MCC: variants seen among roughly 807,000 people sequenced by gnomAD.
The protein encoded by MCC is colorectal mutant cancer protein.
Under a neutral mutation model 116.2 loss-of-function variants are expected in MCC, and 90 were observed. That is an observed-to-expected ratio of 0.77 (90% confidence interval 0.65 to 0.92). MCC has a LOEUF of 0.92. MCC is among the 40% of genes least tolerant of loss of function. MCC has a pLI of 0.00. For missense variants in MCC, 1,516 were observed against 1,312.2 expected (o/e 1.16, Z -2.40); for synonymous variants, 578 against 510.5 (o/e 1.13, Z -1.78).
chr5:113,237,983 A>G (rs1764195707), intron 3 of MCC, among the ~76,000 whole-genome samples: 1 of 152,140 alleles, frequency 6.6e-6, no homozygotes, highest in Admixed American at 6.6e-5. Context: ...AGGGAAACAG[A>G]GGTGGAGGAA....
At chr5:113,234,682 T>C (rs1009549411) in intron 3 of MCC, 1 of 152,150 alleles carries the variant, frequency 6.6e-6, no homozygotes, top group Non-Finnish European at 1.5e-5. Flanking sequence ...AGAAAACAAC[T>C]AGAGTTAAAA....
chr5:113,202,265 C>T (rs1407424912), intron 3 of MCC, among the ~76,000 whole-genome samples: 3 of 151,928 alleles, frequency 2.0e-5, no homozygotes, highest in East Asian at 1.9e-4. Flanking sequence ...TAAAGCAATC[C>T]CGGGGTTGTG....
intron 6 of MCC, among the ~76,000 whole-genome samples, chr5:113,113,258 G>A (rs74335708): frequency 0.053 from 8,039 of 152,286 alleles, 448 homozygotes; most frequent in Admixed American, 0.17. Flanking sequence ...AGATCTCGTT[G>A]TAGCTCTACG....
intron 2 of MCC, among the ~76,000 whole-genome samples, chr5:113,342,174 TC>T (rs1768034539): frequency 6.6e-6 from 1 of 152,246 alleles, no homozygotes; most frequent in African/African-American, 2.4e-5. Context: ...ATTATTTTGT[TC>T]CTTTTTATGG....
rs1354669555 is a variant in MCC at position 113,216,014 on chromosome 5, C to G, written c.628-64592G>C. ...TTGATGGCAAGCCCTTCTCCTTTCC[C>G]TGTTCCAGAGGTCAGGAAACTATGG... On this transcript the variant is annotated intron_variant, in intron 3 of 18. Transcript: ENST00000408903. 2.0e-5 allele frequency among the ~76,000 whole-genome samples: 3 copies of G among 152,232 alleles called. No homozygotes were observed. In the South Asian group the frequency reaches 6.2e-4, roughly 31 times the overall value.
intron 3 of MCC, among the ~76,000 whole-genome samples, chr5:113,172,132 G>C (rs1203474332): frequency 6.6e-6 from 1 of 152,180 alleles, no homozygotes; most frequent in East Asian, 1.9e-4. Context: ...CCAATGGACA[G>C]TTCATACCCA....
At chr5:113,409,729 G>A (rs1023473379) in intron 1 of MCC, among the ~76,000 whole-genome samples, 28 of 152,192 alleles carry the variant, frequency 1.8e-4, no homozygotes, top group African/African-American at 6.5e-4. Context: ...AGAAAAATAA[G>A]AATCATGTAC....
At chr5:113,074,242 C>T (rs1185794696) in intron 11 of MCC, among the ~76,000 whole-genome samples, 3 of 152,222 alleles carry the variant, frequency 2.0e-5, no homozygotes, top group African/African-American at 7.2e-5. Flanking sequence ...GTTCTGCAGC[C>T]TCCGCTGGTG....
chr5:113,363,929 A>G (rs765289814), intron 2 of MCC, among the ~76,000 whole-genome samples: 2 of 152,142 alleles, frequency 1.3e-5, no homozygotes, highest in Non-Finnish European at 2.9e-5. Flanking sequence ...AAACGAAGAA[A>G]TAGGCCAAAA....
At chr5:113,366,715 C>G (rs1161189338) in intron 2 of MCC, among the ~76,000 whole-genome samples, 1 of 152,174 alleles carries the variant, frequency 6.6e-6, no homozygotes, top group Non-Finnish European at 1.5e-5. Context: ...ATTTTAGACT[C>G]ATACATCTTT....
intron 3 of MCC, among the ~76,000 whole-genome samples, chr5:113,301,400 G>A (rs1211680764): frequency 2.0e-5 from 3 of 151,878 alleles, no homozygotes; most frequent in South Asian, 4.2e-4. Flanking sequence ...AGGAGGCAGA[G>A]GTTGCGGCGA....
intron 1 of MCC, among the ~76,000 whole-genome samples, chr5:113,486,246 C>G (rs1028447401): frequency 6.6e-6 from 1 of 152,226 alleles, no homozygotes; most frequent in Non-Finnish European, 1.5e-5. Context: ...CATTACTACA[C>G]ATACCTTGAA....
intron 3 of MCC, among the ~76,000 whole-genome samples, chr5:113,198,351 T>A (rs929583154): frequency 2.6e-5 from 4 of 152,132 alleles, no homozygotes; most frequent in African/African-American, 9.7e-5. Flanking sequence ...ATAACTTATG[T>A]ATTTCAAGAG....
intron 3 of MCC, among the ~76,000 whole-genome samples, chr5:113,216,935 A>T (rs1322550745): frequency 1.3e-5 from 2 of 152,214 alleles, no homozygotes; most frequent in Admixed American, 6.5e-5. Context: ...ATATGTGTAA[A>T]ATGCCCACTA....
chr5:113,269,131 A>C, intron 3 of MCC: 2 of 980,534 alleles, frequency 2.0e-6, no homozygotes, highest in Non-Finnish European at 2.4e-6. Flanking sequence ...CCAGCCTTGC[A>C]ACCTGGAGGG....
intron 6 of MCC, among the ~76,000 whole-genome samples, chr5:113,110,290 G>C (rs561251856): frequency 2.6e-5 from 4 of 152,338 alleles, no homozygotes; most frequent in South Asian, 2.1e-4. Context: ...CTGGATCAGG[G>C]AAAGGCTGGG....
At chr5:113,181,110 T>A (rs1221328179) in intron 3 of MCC, among the ~76,000 whole-genome samples, 1 of 152,224 alleles carries the variant, frequency 6.6e-6, no homozygotes, top group African/African-American at 2.4e-5. Context: ...TTATTAAAGA[T>A]AACCTAGTCT....
rs774178427 is a variant in MCC, at chr5:113,085,319, A to G, written c.1399-9T>C. 6.9e-6 allele frequency: 11 copies of G among 1,604,836 alleles called. No individual in the cohort carries two copies. The highest frequency in any genetic ancestry group is 4.4e-5 in the South Asian group (4 of 90,152). ...GTTTGAAGCTCTCTGACCTGAAATC[A>G]TAATGCTTTTAGACATAGTTGGTGG... On this transcript the variant is annotated splice_polypyrimidine_tract_variant and intron_variant, in intron 8 of 18. Transcript: ENST00000408903.
chr5:113,147,218 A>G (rs1407206250), intron 4 of MCC, among the ~76,000 whole-genome samples: 1 of 152,182 alleles, frequency 6.6e-6, no homozygotes, highest in Non-Finnish European at 1.5e-5. Flanking sequence ...TGTAATAAAA[A>G]CAAGCAACAT....
Sources: allele counts gnomAD v4.1 joint callset (sites outside exome capture counted in the v4.1 genomes callset), GRCh38; gene constraint gnomAD v4.1.1; transcripts MANE v1.5; gene names NCBI Gene and HGNC (gene_info 2026-07-23, HGNC 2026-07-21).